LOC102723971: variants seen among roughly 807,000 people sequenced by gnomAD.
the LOC102723971 span, among the ~76,000 whole-genome samples, chr9:135,619,767 G>A: frequency 6.6e-6 from 1 of 151,940 alleles, no homozygotes; most frequent in Non-Finnish European, 1.5e-5. Context: ...AGGAAATTGG[G>A]TCAGGGACTC....
the LOC102723971 span, among the ~76,000 whole-genome samples, chr9:135,615,693 A>G: frequency 6.6e-6 from 1 of 152,218 alleles, no homozygotes; most frequent in Non-Finnish European, 1.5e-5. Flanking sequence ...CCCGGAGGCA[A>G]CGTCCAGTCC....
chr9:135,618,135 G>A, the LOC102723971 span: 1 of 397,592 alleles, frequency 2.5e-6, no homozygotes, highest in African/African-American at 2.1e-5. Context: ...CACCACTGAG[G>A]GTGTAGCCCA....
chr9:135,618,451 C>T, the LOC102723971 span, among the ~76,000 whole-genome samples: 9 of 152,098 alleles, frequency 5.9e-5, no homozygotes, highest in Admixed American at 1.3e-4. Flanking sequence ...TCACTTAGAA[C>T]AAGACAGACA....
chr9:135,615,539 C>G, the LOC102723971 span: 13 of 398,662 alleles, frequency 3.3e-5, no homozygotes, highest in Non-Finnish European at 4.9e-5. Flanking sequence ...CGCTCATTCT[C>G]AGACCTAGGG....
chr9:135,616,778 G>T, the LOC102723971 span: 1 of 398,362 alleles, frequency 2.5e-6, no homozygotes, highest in South Asian at 1.3e-4. Flanking sequence ...TTTGGGGGAA[G>T]ACCGGGTGCT....
At chr9:135,614,495 T>A in the LOC102723971 span, 2 of 396,318 alleles carry the variant, frequency 5.0e-6, no homozygotes, top group Non-Finnish European at 8.9e-6. Flanking sequence ...GAGGGTGAGC[T>A]GCACCTGGGT....
At chr9:135,618,265 A>T in the LOC102723971 span, among the ~76,000 whole-genome samples, 1 of 152,124 alleles carries the variant, frequency 6.6e-6, no homozygotes, top group Non-Finnish European at 1.5e-5. Context: ...GATGTGGCTC[A>T]GAGACGTTCG....
At chr9:135,616,135 G>A in the LOC102723971 span, among the ~76,000 whole-genome samples, 1 of 152,280 alleles carries the variant, frequency 6.6e-6, no homozygotes, top group Non-Finnish European at 1.5e-5. Context: ...GGGAGTGAGG[G>A]GGGCTCTGTC....
the LOC102723971 span, chr9:135,617,008 T>G: frequency 2.5e-6 from 1 of 398,552 alleles, no homozygotes. Flanking sequence ...AACCTGTGGG[T>G]GCTGCTGGGT....
At chr9:135,617,602 G>T in the LOC102723971 span, among the ~76,000 whole-genome samples, 1 of 152,150 alleles carries the variant, frequency 6.6e-6, no homozygotes, top group African/African-American at 2.4e-5. Context: ...GGTTGGGAGG[G>T]GTGGCACCAG....
chr9:135,616,221 G>C, the LOC102723971 span, among the ~76,000 whole-genome samples: 1 of 152,174 alleles, frequency 6.6e-6, no homozygotes, highest in East Asian at 1.9e-4. Flanking sequence ...GGACAGGCAG[G>C]ACAGTCAGAG....
At chr9:135,614,711 C>T in the LOC102723971 span, among the ~76,000 whole-genome samples, 4 of 152,150 alleles carry the variant, frequency 2.6e-5, no homozygotes, top group Non-Finnish European at 5.9e-5. Context: ...GGGACCCAGC[C>T]GAGCAGGGGA....
the LOC102723971 span, among the ~76,000 whole-genome samples, chr9:135,614,837 AGGGACAC>A: frequency 2.6e-5 from 4 of 151,946 alleles, no homozygotes; most frequent in Admixed American, 2.6e-4. Context: ...GCAGGGATGG[AGGGACAC>A]CCGGCACAGC....
chr9:135,617,513 A>T, the LOC102723971 span, among the ~76,000 whole-genome samples: 1 of 151,916 alleles, frequency 6.6e-6, no homozygotes, highest in Admixed American at 6.6e-5. Flanking sequence ...GCAGAGGATC[A>T]GCCGGAGCCC....
At chr9:135,614,720 G>A in the LOC102723971 span, among the ~76,000 whole-genome samples, 4 of 152,148 alleles carry the variant, frequency 2.6e-5, no homozygotes, top group Admixed American at 1.3e-4. Context: ...CCGAGCAGGG[G>A]AGGGGTTCAC....
the LOC102723971 span, chr9:135,615,489 T>C: frequency 7.5e-6 from 3 of 398,624 alleles, no homozygotes; most frequent in Non-Finnish European, 1.3e-5. Context: ...GACTTCGTGC[T>C]GTTCTGGAAG....
the LOC102723971 span, chr9:135,614,227 C>G: frequency 2.0e-3 from 815 of 398,580 alleles, 15 homozygotes; most frequent in African/African-American, 0.015. Context: ...GACGCTCCCC[C>G]TTCCCCGGAG....
the LOC102723971 span, among the ~76,000 whole-genome samples, chr9:135,617,168 C>A: frequency 3.9e-5 from 6 of 152,118 alleles, no homozygotes; most frequent in African/African-American, 1.4e-4. Context: ...AGGGCACAGG[C>A]AGCCTTGGGC....
At chr9:135,616,076 T>C in the LOC102723971 span, among the ~76,000 whole-genome samples, 1 of 152,074 alleles carries the variant, frequency 6.6e-6, no homozygotes, top group African/African-American at 2.4e-5. Context: ...CAGGGGTTGG[T>C]GGGCACCCAC....
Sources: gnomAD v4.1 joint callset for allele counts (sites outside exome capture counted in the v4.1 genomes callset) on GRCh38, gnomAD v4.1.1 for gene constraint, MANE v1.5 for transcripts.